SGCZ: variants seen among roughly 807,000 people sequenced by gnomAD.
SGCZ encodes sarcoglycan zeta.
In SGCZ, 40 loss-of-function variants were observed where a neutral mutation model predicts 41.3. The ratio of observed to expected loss-of-function variants is 0.97; its 90% CI spans 0.75 to 1.26. SGCZ has a LOEUF of 1.26. SGCZ is among the 50% of genes most tolerant of loss of function. SGCZ has a pLI of 0.00. For synonymous variants in SGCZ, 206 were observed against 137.5 expected, an observed-to-expected ratio of 1.50 and a Z score of -3.49; for missense variants, 552 against 369.8, an observed-to-expected ratio of 1.49 and a Z score of -4.04.
intron 1 of SGCZ, among the ~76,000 whole-genome samples, chr8:14,763,639 C>T (rs897115877): frequency 4.9e-4 from 74 of 152,084 alleles, no homozygotes; most frequent in Non-Finnish European, 1.5e-4. Context: ...GTCTACAAAA[C>T]ATTAGTGAGC....
intron 1 of SGCZ, among the ~76,000 whole-genome samples, chr8:14,895,021 T>A (rs1430587178): frequency 2.6e-5 from 4 of 152,196 alleles, no homozygotes; most frequent in African/African-American, 9.6e-5. Context: ...TCCAGGGTAA[T>A]AATATATTAC....
chr8:15,058,404 C>T (rs10089919), intron 1 of SGCZ, among the ~76,000 whole-genome samples: 79,191 of 151,944 alleles, frequency 0.52, 21,882 homozygotes, highest in Admixed American at 0.63. Flanking sequence ...TGGGTGTCAC[C>T]ATCTTTTGTC....
chr8:14,287,471 T>C (rs1465015398), intron 3 of SGCZ, among the ~76,000 whole-genome samples: 1 of 151,944 alleles, frequency 6.6e-6, no homozygotes, highest in African/African-American at 2.4e-5. Context: ...AGGTTTACAG[T>C]TTATTGCCCT....
At chr8:14,903,919 A>G (rs1224374849) in intron 1 of SGCZ, among the ~76,000 whole-genome samples, 3 of 152,056 alleles carry the variant, frequency 2.0e-5, no homozygotes, top group African/African-American at 7.2e-5. Context: ...TTACATTAAG[A>G]GGGTTAAAAC....
intron 2 of SGCZ, among the ~76,000 whole-genome samples, chr8:14,387,886 C>T (rs1237520260): frequency 3.3e-5 from 5 of 151,604 alleles, no homozygotes; most frequent in Non-Finnish European, 7.4e-5. Flanking sequence ...GTATCAAAAC[C>T]CTGAAATGAG....
chr8:14,261,567 T>A (rs1028444443), intron 3 of SGCZ, among the ~76,000 whole-genome samples: 1 of 152,160 alleles, frequency 6.6e-6, no homozygotes, highest in Non-Finnish European at 1.5e-5. Flanking sequence ...AACCAGTCTG[T>A]TCATCTGGAC....
Position 14,153,045 on chromosome 8 carries a change from G to A in SGCZ, c.547+11535C>T, listed in dbSNP as rs112341417. Among the ~76,000 whole-genome samples, 1,386 of 152,180 alleles carry A rather than the reference G, an allele frequency of 9.1e-3. 23 individuals are homozygous for A. The highest frequency in any genetic ancestry group is 0.032 in the African/African-American group (1,334 of 41,524). On this transcript the variant is annotated intron_variant, in intron 5 of 7. Transcript: ENST00000382080. The stretch of plus-strand genomic sequence containing the variant: ...GTGAGGGTGGAGGAAAAGGAGTGAG[G>A]TTTCAAAAAGACAAGGGATGCCCAC...
At chr8:15,033,852 A>C (rs1455988829) in intron 1 of SGCZ, among the ~76,000 whole-genome samples, 1 of 152,248 alleles carries the variant, frequency 6.6e-6, no homozygotes, top group African/African-American at 2.4e-5. Context: ...CACCGTACTC[A>C]ACCCCACAGA....
chr8:15,212,134 C>T (rs998623341), intron 1 of SGCZ, among the ~76,000 whole-genome samples: 3 of 152,078 alleles, frequency 2.0e-5, no homozygotes, highest in Non-Finnish European at 2.9e-5. Context: ...GCATGGATGC[C>T]TAAATAACAA....
At chr8:15,218,911 C>A (rs1211943303) in intron 1 of SGCZ, among the ~76,000 whole-genome samples, 1 of 152,170 alleles carries the variant, frequency 6.6e-6, no homozygotes, top group African/African-American at 2.4e-5. Context: ...ACACAGCCCA[C>A]AAGTGGCGCT....
chr8:15,203,697 C>T (rs745981779), intron 1 of SGCZ, among the ~76,000 whole-genome samples: 28 of 152,196 alleles, frequency 1.8e-4, no homozygotes, highest in Non-Finnish European at 3.8e-4. Context: ...GCCAAGACCT[C>T]TTACAGCCTG....
At chr8:14,677,263 A>G (rs1808306912) in intron 1 of SGCZ, among the ~76,000 whole-genome samples, 1 of 152,000 alleles carries the variant, frequency 6.6e-6, no homozygotes, top group Admixed American at 6.5e-5. Context: ...TATAAAAGAT[A>G]TATATAAAGA....
intron 1 of SGCZ, among the ~76,000 whole-genome samples, chr8:14,906,042 G>A (rs1023599201): frequency 1.3e-5 from 2 of 151,880 alleles, no homozygotes; most frequent in African/African-American, 2.4e-5. Context: ...CAAAAGAAAG[G>A]CTTTTCAAAG....
At chr8:14,438,830 G>A (rs533377472) in intron 2 of SGCZ, among the ~76,000 whole-genome samples, 60 of 151,730 alleles carry the variant, frequency 4.0e-4, no homozygotes, top group African/African-American at 5.1e-4. Flanking sequence ...CATATTCTTC[G>A]ACTCAAAGCC....
intron 2 of SGCZ, among the ~76,000 whole-genome samples, chr8:14,465,709 A>G (rs1399506507): frequency 1.5e-4 from 22 of 151,604 alleles, no homozygotes. Context: ...TAACATCTTA[A>G]AGTTATAGCA....
At chr8:14,154,574 C>G (rs1453908473) in intron 5 of SGCZ, among the ~76,000 whole-genome samples, 1 of 152,068 alleles carries the variant, frequency 6.6e-6, no homozygotes, top group Non-Finnish European at 1.5e-5. Context: ...AATTTTAAAC[C>G]TAAAGAAAAG....
At chr8:14,904,276 T>C (rs1328794508) in intron 1 of SGCZ, among the ~76,000 whole-genome samples, 3 of 152,066 alleles carry the variant, frequency 2.0e-5, no homozygotes, top group South Asian at 2.1e-4. Context: ...CTGTGGTCGT[T>C]CCTGAAAACA....
chr8:15,191,239 T>C (rs1350354666), intron 1 of SGCZ, among the ~76,000 whole-genome samples: 1 of 152,122 alleles, frequency 6.6e-6, no homozygotes, highest in East Asian at 1.9e-4. Context: ...ACATATATTG[T>C]TCAAGACTGA....
chr8:15,020,300 A>G (rs1803203386), intron 1 of SGCZ, among the ~76,000 whole-genome samples: 1 of 152,148 alleles, frequency 6.6e-6, no homozygotes, highest in African/African-American at 2.4e-5. Context: ...CACACACTTT[A>G]TCTCTGACTC....
Sources: allele counts gnomAD v4.1 joint callset (sites outside exome capture counted in the v4.1 genomes callset), GRCh38; gene constraint gnomAD v4.1.1; transcripts MANE v1.5; gene names NCBI Gene and HGNC (gene_info 2026-07-23, HGNC 2026-07-21).